DTWD2: variants seen among roughly 807,000 people sequenced by gnomAD.
The protein encoded by DTWD2 is tRNA-uridine aminocarboxypropyltransferase 2.
In DTWD2, 39 loss-of-function variants were observed where a neutral mutation model predicts 31.8. That is an observed-to-expected ratio of 1.22 (90% CI 0.95 to 1.60). DTWD2 has a LOEUF of 1.60. Among genes scored for constraint, DTWD2 ranks in the 40% most tolerant of loss-of-function variants. The probability of loss-of-function intolerance (pLI) is 0.00; values close to 1 mark genes in which losing one functional copy is unlikely to be tolerated. For missense variants in DTWD2, 515 were observed against 381.5 expected (o/e 1.35, Z -2.92); for synonymous variants, 180 against 142.8 (o/e 1.26, Z -1.86).
chr5:118,960,499 C>T (rs879370629), intron 1 of DTWD2, among the ~76,000 whole-genome samples: 1 of 152,160 alleles, frequency 6.6e-6, no homozygotes, highest in Non-Finnish European at 1.5e-5. Flanking sequence ...TTAGCTCAGA[C>T]ACTATGGAAA....
chr5:118,871,145 C>G (rs972806313), intron 4 of DTWD2, among the ~76,000 whole-genome samples: 2 of 152,280 alleles, frequency 1.3e-5, no homozygotes, highest in African/African-American at 2.4e-5. Context: ...AAATCCTCAT[C>G]TGTTCAAGTT....
intron 4 of DTWD2, among the ~76,000 whole-genome samples, chr5:118,855,091 TG>T (rs1299453873): frequency 6.7e-6 from 1 of 150,338 alleles, no homozygotes; most frequent in African/African-American, 2.4e-5. Flanking sequence ...CACCTGCGCC[TG>T]GGAGGTTCAG....
chr5:118,972,923 T>G (rs1755021102), intron 1 of DTWD2, among the ~76,000 whole-genome samples: 1 of 152,194 alleles, frequency 6.6e-6, no homozygotes, highest in African/African-American at 2.4e-5. Flanking sequence ...CTGTATTGGG[T>G]GCATATATAT....
At chr5:118,865,679 T>G (rs920143979) in intron 4 of DTWD2, among the ~76,000 whole-genome samples, 1 of 152,318 alleles carries the variant, frequency 6.6e-6, no homozygotes, top group Admixed American at 6.5e-5. Context: ...CTATTTTGCC[T>G]TACTTTAGCC....
At chr5:118,936,481 G>A (rs935372579) in intron 3 of DTWD2, among the ~76,000 whole-genome samples, 46 of 151,510 alleles carry the variant, frequency 3.0e-4, no homozygotes, top group African/African-American at 1.0e-3. Flanking sequence ...AAAAAAAAAA[G>A]GAAAAATTTA....
intron 4 of DTWD2, among the ~76,000 whole-genome samples, chr5:118,849,051 TG>T (rs1751934084): frequency 6.6e-6 from 1 of 152,182 alleles, no homozygotes; most frequent in African/African-American, 2.4e-5. Flanking sequence ...AAAGAGCTTC[TG>T]CACAGCAAAT....
intron 4 of DTWD2, among the ~76,000 whole-genome samples, chr5:118,893,902 G>C (rs1753028001): frequency 6.6e-6 from 1 of 152,058 alleles, no homozygotes; most frequent in Admixed American, 6.6e-5. Flanking sequence ...AAATGACAAG[G>C]GAACAGTTTC....
intron 4 of DTWD2, among the ~76,000 whole-genome samples, chr5:118,881,891 G>A (rs148274044): frequency 6.6e-6 from 1 of 152,272 alleles, no homozygotes. Context: ...TGGGGACACA[G>A]AGTCAAACTA....
In DTWD2 at chr5:118,897,432, T is replaced by A. The variant is rs148290016; in HGVS notation, c.597+31105A>T. Among the ~76,000 whole-genome samples, 558 of 152,336 alleles carry A rather than the reference T, an allele frequency of 3.7e-3. 8 individuals are homozygous for A. The highest frequency in any genetic ancestry group is 0.029 in the East Asian group (148 of 5,184). On this transcript the variant is annotated intron_variant, in intron 4 of 5. Coordinates refer to ENST00000510708, the MANE Select transcript of DTWD2 (RefSeq NM_173666.4). The stretch of plus-strand genomic sequence containing the variant: ...AAATTTCAGACTCCCAGAAGAAAAC[T>A]GGTGTTCATATACATAATTCTTTGC...
intron 4 of DTWD2, among the ~76,000 whole-genome samples, chr5:118,923,759 G>A (rs73790366): frequency 1.3e-3 from 196 of 152,242 alleles, no homozygotes; most frequent in African/African-American, 4.2e-3. Flanking sequence ...CTTTCTCTGA[G>A]GAGGCAAGGA....
intron 1 of DTWD2, among the ~76,000 whole-genome samples, chr5:118,964,407 T>TTCCCCCATGGTCTCCCTCTCCC (rs1754779568): frequency 6.6e-6 from 1 of 151,688 alleles, no homozygotes; most frequent in Non-Finnish European, 1.5e-5. Flanking sequence ...CTCCCTCTCC[T>TTCCCCCATGGTCTCCCTCTCCC]TCTCCCCACG....
chr5:118,943,506 G>A (rs1209850227), intron 2 of DTWD2, among the ~76,000 whole-genome samples: 6 of 150,122 alleles, frequency 4.0e-5, no homozygotes, highest in Non-Finnish European at 7.4e-5. Flanking sequence ...AGCTGAGATC[G>A]CGCCACTGCA....
At chr5:118,883,544 T>C (rs996199382) in intron 4 of DTWD2, among the ~76,000 whole-genome samples, 1 of 152,150 alleles carries the variant, frequency 6.6e-6, no homozygotes, top group Non-Finnish European at 1.5e-5. Context: ...ACAAAAGCAG[T>C]GTAATTGACT....
chr5:118,966,253 C>G (rs1390013788), intron 1 of DTWD2, among the ~76,000 whole-genome samples: 11 of 152,080 alleles, frequency 7.2e-5, no homozygotes, highest in Admixed American at 7.2e-4. Context: ...AAAAGTAAAC[C>G]TCAAAAAATA....
chr5:118,947,664 A>G (rs1049015388), intron 1 of DTWD2, among the ~76,000 whole-genome samples: 1 of 152,284 alleles, frequency 6.6e-6, no homozygotes, highest in Middle Eastern at 3.4e-3. Flanking sequence ...GAAAACAGGA[A>G]TGCATGTTCT....
At chr5:118,958,383 G>A (rs572727174) in intron 1 of DTWD2, among the ~76,000 whole-genome samples, 15 of 152,022 alleles carry the variant, frequency 9.9e-5, no homozygotes, top group African/African-American at 2.9e-4. Context: ...GCGTGAATCC[G>A]GGAGGTGGAG....
intron 3 of DTWD2, among the ~76,000 whole-genome samples, chr5:118,935,304 C>T (rs1467408064): frequency 6.6e-6 from 1 of 152,090 alleles, no homozygotes; most frequent in Non-Finnish European, 1.5e-5. Flanking sequence ...CTAACTGAAC[C>T]CAAACCAAGA....
At chr5:118,956,853 T>C (rs1580436222) in intron 1 of DTWD2, among the ~76,000 whole-genome samples, 1 of 152,170 alleles carries the variant, frequency 6.6e-6, no homozygotes, top group Non-Finnish European at 1.5e-5. Context: ...GTTGAATAGA[T>C]ACACTGCATT....
chr5:118,875,302 G>A (rs531074816), intron 4 of DTWD2, among the ~76,000 whole-genome samples: 29 of 152,186 alleles, frequency 1.9e-4, no homozygotes, highest in African/African-American at 5.3e-4. Context: ...AAACAAGTCT[G>A]CAAAATAACC....
Sources: allele counts gnomAD v4.1 joint callset (sites outside exome capture counted in the v4.1 genomes callset), GRCh38; gene constraint gnomAD v4.1.1; transcripts MANE v1.5; gene names NCBI Gene and HGNC (gene_info 2026-07-23, HGNC 2026-07-21).